Variants in C8orf34 observed in about 807,000 individuals in gnomAD.
C8orf34 encodes chromosome 8 open reading frame 34.
A neutral mutation model predicts 68.3 loss-of-function variants in C8orf34; 65 were observed. That is an observed-to-expected ratio of 0.95 (90% CI 0.78 to 1.17). C8orf34 has a LOEUF of 1.17. Among genes scored for constraint, C8orf34 ranks in the 50% most tolerant of loss-of-function variants. The pLI is 0.00. For missense variants in C8orf34, 664 were observed against 655.4 expected (o/e 1.01, Z -0.14); for synonymous variants, 244 against 241.2 (o/e 1.01, Z -0.11).
chr8:68,501,806 T>C, intron 5 of C8orf34, among the ~76,000 whole-genome samples: 2 of 152,256 alleles, frequency 1.3e-5, no homozygotes, highest in East Asian at 3.9e-4. Context: ...AATAAACATT[T>C]GAATATAATC....
chr8:68,589,392 A>G (rs1817300543), intron 7 of C8orf34, among the ~76,000 whole-genome samples: 1 of 151,914 alleles, frequency 6.6e-6, no homozygotes, highest in Non-Finnish European at 1.5e-5. Context: ...AAAGAGGGGA[A>G]GGAAGGAAGA....
At chr8:68,749,735 A>T (rs1822644414) in intron 10 of C8orf34, among the ~76,000 whole-genome samples, 1 of 152,196 alleles carries the variant, frequency 6.6e-6, no homozygotes, top group Admixed American at 6.5e-5. Flanking sequence ...CACTTAAATA[A>T]TGTTTTTGTG....
In C8orf34 at chr8:68,756,393, G is replaced by A. The variant is rs1342028506; in HGVS notation, c.1405-20006G>A. Among the ~76,000 whole-genome samples, 4 of 152,162 alleles carry A rather than the reference G, an allele frequency of 2.6e-5. No homozygotes were observed. The East Asian group carries it at 7.7e-4, about 29-fold the overall frequency. Reference sequence around the variant, plus strand: ...CTTCTGGCCTATGATTCTAGAAAATGCACTGTGACACTAACTCATTCATTC... The same window carrying A: ...CTTCTGGCCTATGATTCTAGAAAATACACTGTGACACTAACTCATTCATTC... On this transcript the variant is annotated intron_variant, in intron 10 of 13. Transcript: ENST00000518698.
intron 7 of C8orf34, among the ~76,000 whole-genome samples, chr8:68,613,303 T>C (rs1351890782): frequency 6.6e-6 from 1 of 152,000 alleles, no homozygotes; most frequent in Admixed American, 6.6e-5. Flanking sequence ...TTTATTTTAT[T>C]TTATTATACT....
intron 1 of C8orf34, among the ~76,000 whole-genome samples, chr8:68,429,269 G>T (rs1235172059): frequency 6.6e-6 from 1 of 152,108 alleles, no homozygotes; most frequent in African/African-American, 2.4e-5. Flanking sequence ...TCAAAAAAGA[G>T]GGTATCTGAA....
chr8:68,424,402 T>A (rs1810117626), intron 1 of C8orf34, among the ~76,000 whole-genome samples: 1 of 152,062 alleles, frequency 6.6e-6, no homozygotes, highest in African/African-American at 2.4e-5. Context: ...TTAACCAGAA[T>A]GCCCAGGATA....
At chr8:68,535,697 A>C in intron 7 of C8orf34, 1 of 813,564 alleles carries the variant, frequency 1.2e-6, no homozygotes, top group Non-Finnish European at 1.5e-6. Flanking sequence ...ATTATAGTAC[A>C]ACACCTGTAA....
At chr8:68,605,810 C>T (rs1817837128) in intron 7 of C8orf34, among the ~76,000 whole-genome samples, 2 of 152,038 alleles carry the variant, frequency 1.3e-5, no homozygotes, top group Non-Finnish European at 2.9e-5. Flanking sequence ...TGTCATTATA[C>T]ATTTGTCCAA....
chr8:68,338,675 A>G (rs1354913880), intron 1 of C8orf34, among the ~76,000 whole-genome samples: 1 of 151,886 alleles, frequency 6.6e-6, no homozygotes, highest in Non-Finnish European at 1.5e-5. Context: ...ATTTCCTTTT[A>G]TTGCTGAGTT....
chr8:68,424,963 G>A (rs572245867), intron 1 of C8orf34, among the ~76,000 whole-genome samples: 1 of 152,220 alleles, frequency 6.6e-6, no homozygotes, highest in African/African-American at 2.4e-5. Context: ...TTTCAGACAT[G>A]TAAGGCTGGT....
intron 5 of C8orf34, among the ~76,000 whole-genome samples, chr8:68,501,174 A>G (rs1813755267): frequency 6.6e-6 from 1 of 152,186 alleles, no homozygotes; most frequent in African/African-American, 2.4e-5. Context: ...TCAAGGAACT[A>G]GAGCTCAAGC....
At chr8:68,697,492 T>C (rs1175708456) in intron 8 of C8orf34, among the ~76,000 whole-genome samples, 1 of 152,148 alleles carries the variant, frequency 6.6e-6, no homozygotes, top group East Asian at 1.9e-4. Flanking sequence ...CATTCTGATC[T>C]TTAACCATAG....
At chr8:68,777,322 C>T (rs985480682) in intron 11 of C8orf34, among the ~76,000 whole-genome samples, 1 of 152,146 alleles carries the variant, frequency 6.6e-6, no homozygotes, top group African/African-American at 2.4e-5. Flanking sequence ...AGGTGCTGGG[C>T]CAAGACATGG....
chr8:68,544,676 T>C (rs1363732340), intron 7 of C8orf34, among the ~76,000 whole-genome samples: 1 of 152,008 alleles, frequency 6.6e-6, no homozygotes, highest in Non-Finnish European at 1.5e-5. Context: ...AGTAAATAGA[T>C]GGAAAATCTC....
intron 7 of C8orf34, among the ~76,000 whole-genome samples, chr8:68,633,372 G>A (rs368345900): frequency 1.3e-5 from 2 of 152,110 alleles, no homozygotes; most frequent in Non-Finnish European, 2.9e-5. Context: ...TTTCTTATAA[G>A]AGTTAAAACA....
chr8:68,775,067 C>T (rs1823473678), intron 10 of C8orf34, among the ~76,000 whole-genome samples: 1 of 141,980 alleles, frequency 7.0e-6, no homozygotes, highest in African/African-American at 2.6e-5. Context: ...GCAGTAAGCC[C>T]AGGAAAAAAA....
At chr8:68,691,985 G>A (rs1302249775) in intron 8 of C8orf34, among the ~76,000 whole-genome samples, 1 of 152,062 alleles carries the variant, frequency 6.6e-6, no homozygotes, top group Non-Finnish European at 1.5e-5. Flanking sequence ...TCTGTGAGTG[G>A]AGATTCAGAG....
rs1365038993 is a variant in C8orf34 at position 68,635,083 on chromosome 8, C to A, written c.1106-5293C>A. Among the ~76,000 whole-genome samples, 3 of 152,136 alleles carry A rather than the reference C, an allele frequency of 2.0e-5. No individual in the cohort carries two copies. The East Asian group carries it at 5.8e-4, about 29-fold the overall frequency. ...GTGTGAGGATCTGCTAGGAAATCCT[C>A]AAAAATTCTCATTAAATACACTCAA... On this transcript the variant is annotated intron_variant, in intron 7 of 13. Coordinates refer to ENST00000518698, the MANE Select transcript of C8orf34 (RefSeq NM_052958.4).
At chr8:68,606,126 T>C (rs1381179962) in intron 7 of C8orf34, among the ~76,000 whole-genome samples, 1 of 152,172 alleles carries the variant, frequency 6.6e-6, no homozygotes, top group African/African-American at 2.4e-5. Flanking sequence ...CAATGCAATA[T>C]GACGCATAAA....
Sources: gnomAD v4.1 joint callset for allele counts (sites outside exome capture counted in the v4.1 genomes callset) on GRCh38, gnomAD v4.1.1 for gene constraint, MANE v1.5 for transcripts, NCBI Gene and HGNC (gene_info 2026-07-23, HGNC 2026-07-21) for gene names.